Variants in ZBTB43 observed in about 807,000 individuals in gnomAD.
ZBTB43 encodes the protein zinc finger and BTB domain-containing protein 43.
A neutral mutation model predicts 31.1 loss-of-function variants in ZBTB43; 6 were observed. The ratio of observed to expected loss-of-function variants is 0.19; its 90% CI spans 0.11 to 0.38. The LOEUF (loss-of-function observed/expected upper bound fraction) is 0.38, where lower values mean the gene tolerates loss of function less well. ZBTB43 is among the 10% of genes least tolerant of loss of function. ZBTB43 has a pLI of 1.00. For missense variants in ZBTB43, 379 were observed against 602.1 expected, an observed-to-expected ratio of 0.63 and a Z score of 3.88; for synonymous variants, 212 against 221.7, an observed-to-expected ratio of 0.96 and a Z score of 0.39.
chr9:126,818,466 A>G (rs575288523), intron 2 of ZBTB43, among the ~76,000 whole-genome samples: 15 of 152,028 alleles, frequency 9.9e-5, no homozygotes, highest in Admixed American at 9.8e-4. Flanking sequence ...ACTGGTCTCA[A>G]ACTTCTGAGC....
In ZBTB43 at chr9:126,822,517, CGG is replaced by C. The variant is rs372598792; in HGVS notation, c.-23-9969_-23-9968del. On this transcript the variant is annotated intron_variant, in intron 2 of 2. Coordinates refer to ENST00000373464, the MANE Select transcript of ZBTB43 (RefSeq NM_014007.4). ...CAGCACTTTGGCAGGCTGAGGCAGG[CGG>C]ATTGCTTGAGCCCAGGAGCTCAAGA... Among the ~76,000 whole-genome samples, 217 of 152,118 alleles carry C rather than the reference CGG, an allele frequency of 1.4e-3. 2 individuals carry two copies. In the East Asian group the frequency reaches 0.033, roughly 23 times the overall value.
chr9:126,833,384 A>G lies in ZBTB43; in HGVS notation c.875A>G (p.His292Arg). Residue 292 changes from histidine (H) to arginine (R), a missense_variant, in exon 3 of 3, where the codon CAC becomes CGC. Coordinates refer to ENST00000373464, the MANE Select transcript of ZBTB43 (RefSeq NM_014007.4). The surrounding 1 kb of genome is among the most constrained non-coding windows in gnomAD (Gnocchi z 7.9). ...VQPSGVEEDFHIGEKKVEAEF... is the reference protein window; with the variant it reads ...VQPSGVEEDFRIGEKKVEAEF... ...CCTTCGGGAGTGGAGGAGGACTTCC[A>G]CATCGGGGAGAAGAAAGTGGAAGCT... 1.9e-6 allele frequency: 3 copies of G among 1,613,818 alleles called. No individual in the cohort carries two copies. Among genetic ancestry groups the G allele is most frequent in the South Asian group, 1.1e-5 (1 of 90,998 alleles).
chr9:126,820,967 CAAAAAAAA>C (rs36023653), intron 2 of ZBTB43, among the ~76,000 whole-genome samples: 1 of 83,492 alleles, frequency 1.2e-5, no homozygotes, highest in Admixed American at 1.6e-4. Flanking sequence ...ACCCCCATCT[CAAAAAAAA>C]AAAAAAAAAA....
intron 1 of ZBTB43, 80 bp downstream of exon 1, chr9:126,805,212 C>G (rs1051013213): frequency 6.5e-6 from 1 of 152,864 alleles, no homozygotes. Flanking sequence ...CTCAGCAGGC[C>G]CCGACGCTCG....
At position 126,836,609 on chromosome 9, in the gene ZBTB43, T is replaced by C. The variant is rs530269595; in HGVS notation, c.*2696T>C. On this transcript the variant is annotated 3_prime_UTR_variant, in exon 3 of 3. Transcript: ENST00000373464. ...TGAGTTGGAGGAATAGTCTCTTCTC[T>C]TCACCTCAATATAGCTTTAGAAAAT... 1 of 167,216 alleles carries C rather than the reference T, an allele frequency of 6.0e-6. No individual in the cohort carries two copies. The highest frequency in any genetic ancestry group is 2.1e-4 in the South Asian group (1 of 4,824). The allele number at this position is 167,216 out of a possible 1,614,324, so 10.4% of individuals were successfully genotyped here. A position where few individuals can be genotyped will look rare whatever the true frequency, so the allele number is the denominator to read the frequency against.
chr9:126,808,466 A>T (rs1387618075), intron 1 of ZBTB43, among the ~76,000 whole-genome samples: 1 of 152,222 alleles, frequency 6.6e-6, no homozygotes, highest in Non-Finnish European at 1.5e-5. Flanking sequence ...GTTCCAAAGG[A>T]TATATTAATT....
chr9:126,805,843 T>C (rs1410276487), intron 1 of ZBTB43, among the ~76,000 whole-genome samples: 1 of 147,872 alleles, frequency 6.8e-6, no homozygotes, highest in Non-Finnish European at 1.5e-5. Flanking sequence ...TTTTGCCTCT[T>C]GTCTCTCTTT....
chr9:126,810,711 G>A (rs554463107), intron 2 of ZBTB43, among the ~76,000 whole-genome samples: 220 of 150,602 alleles, frequency 1.5e-3, no homozygotes, highest in Non-Finnish European at 2.5e-3. Flanking sequence ...CACCATGTTG[G>A]CCAGGATGGT....
chr9:126,819,572 A>G (rs1311377899), intron 2 of ZBTB43, among the ~76,000 whole-genome samples: 1 of 152,030 alleles, frequency 6.6e-6, no homozygotes. Context: ...CCACTGACCC[A>G]CCATTCCCCC....
intron 2 of ZBTB43, among the ~76,000 whole-genome samples, chr9:126,818,151 C>T (rs1356372403): frequency 1.4e-5 from 2 of 138,254 alleles, no homozygotes; most frequent in Admixed American, 1.5e-4. Context: ...TGGACAGAAT[C>T]TCCCTCTGTC....
At chr9:126,817,763 A>T (rs2032421420) in intron 2 of ZBTB43, among the ~76,000 whole-genome samples, 1 of 152,216 alleles carries the variant, frequency 6.6e-6, no homozygotes, top group African/African-American at 2.4e-5. Context: ...GGCGTGAGCC[A>T]CTGCGCCTGG....
At chr9:126,830,664 G>A (rs1005626085) in intron 2 of ZBTB43, among the ~76,000 whole-genome samples, 2 of 151,812 alleles carry the variant, frequency 1.3e-5, no homozygotes, top group African/African-American at 4.8e-5. Flanking sequence ...AACAAAAGAA[G>A]ACTTGGTAAT....
rs1197480077 is a variant in ZBTB43, at chr9:126,833,357, A to C, written c.848A>C (p.Gln283Pro). 4.3e-6 allele frequency: 7 copies of C among 1,613,060 alleles called. No homozygotes were observed. The highest frequency in any genetic ancestry group is 3.3e-5 in the Admixed American group (2 of 59,768). The change falls in exon 3 of 3, where the codon CAG becomes CCG. Residue 283 changes from glutamine (Q) to proline (P), a missense_variant. Coordinates refer to ENST00000373464, the MANE Select transcript of ZBTB43 (RefSeq NM_014007.4). The surrounding 1 kb of genome is among the most constrained non-coding windows in gnomAD (Gnocchi z 7.9). ...ACCGTGCAGACAGAGCACACGGTGCAGCCTTCGGGAGTGGAGGAGGACTTC... is the reference window on the plus strand; with the variant it reads ...ACCGTGCAGACAGAGCACACGGTGCCGCCTTCGGGAGTGGAGGAGGACTTC... ...INTVQTEHTV[Q>P]PSGVEEDFHI... is the part of the protein sequence containing the mutation.
At position 126,834,933 on chromosome 9, in the gene ZBTB43, G is replaced by A. The variant is rs1186721655; in HGVS notation, c.*1020G>A. 6.0e-6 allele frequency: 1 copy of A among 167,060 alleles called. No individual in the cohort carries two copies. Among genetic ancestry groups the A allele is most frequent in the Non-Finnish European group, 1.5e-5 (1 of 68,132 alleles). 10.3% of individuals were successfully genotyped at this position (167,060 alleles called of 1,614,324 possible). ...CTTGAGTAGTTCATAGAGTGCTAAGGTGACACTCCACCAACCAGAGTGAGA... is the reference window on the plus strand; with the variant it reads ...CTTGAGTAGTTCATAGAGTGCTAAGATGACACTCCACCAACCAGAGTGAGA... On this transcript the variant is annotated 3_prime_UTR_variant, in exon 3 of 3. Coordinates refer to ENST00000373464, the MANE Select transcript of ZBTB43 (RefSeq NM_014007.4).
rs503520 is a variant in ZBTB43 at position 126,825,104 on chromosome 9, C to G, written c.-23-7383C>G. Reference sequence around the variant, plus strand: ...GGACTATAGATGCATGCCACCATGCCTGGCTATTGTATTTTTGGTAGAGAC... The same window carrying G: ...GGACTATAGATGCATGCCACCATGCGTGGCTATTGTATTTTTGGTAGAGAC... On this transcript the variant is annotated intron_variant, in intron 2 of 2. Transcript: ENST00000373464. 1.9e-3 allele frequency among the ~76,000 whole-genome samples: 291 copies of G among 152,164 alleles called. 1 individual carries two copies. Among genetic ancestry groups the G allele is most frequent in the Non-Finnish European group, 3.4e-3 (234 of 67,992 alleles).
At chr9:126,815,246 ATATATATAGTTTTCAATATATAAAAC>A (rs2032352160) in intron 2 of ZBTB43, among the ~76,000 whole-genome samples, 2 of 137,140 alleles carry the variant, frequency 1.5e-5, no homozygotes, top group African/African-American at 5.1e-5. Flanking sequence ...ATAAAACTAT[ATATATATAGTTTTCAATATATAAAAC>A]TATATATATA....
chr9:126,807,751 T>G (rs2032159508), intron 1 of ZBTB43, among the ~76,000 whole-genome samples: 1 of 152,166 alleles, frequency 6.6e-6, no homozygotes, highest in African/African-American at 2.4e-5. Context: ...TTCTCCTGCT[T>G]CAACCTCCCG....
At chr9:126,805,957 C>G (rs1488892469) in intron 1 of ZBTB43, among the ~76,000 whole-genome samples, 1 of 152,232 alleles carries the variant, frequency 6.6e-6, no homozygotes, top group African/African-American at 2.4e-5. Context: ...GTGACTCGAC[C>G]GCAGTTTGGC....
chr9:126,806,011 G>A (rs560257752), intron 1 of ZBTB43, among the ~76,000 whole-genome samples: 10 of 152,320 alleles, frequency 6.6e-5, no homozygotes, highest in African/African-American at 2.4e-4. Flanking sequence ...TCAGAGTGCA[G>A]GAGAGCCTGT....
Sources: gnomAD v4.1 joint callset for allele counts (sites outside exome capture counted in the v4.1 genomes callset) on GRCh38, gnomAD v4.1.1 for gene constraint, Gnocchi (gnomAD v3.1) non-coding constraint, MANE v1.5 for transcripts, NCBI Gene and HGNC (gene_info 2026-07-23, HGNC 2026-07-21) for gene names.